SOS1: variants seen among roughly 807,000 people sequenced by gnomAD.
The protein encoded by SOS1 is SOS Ras/Rac guanine nucleotide exchange factor 1, also known as son of sevenless homolog 1.
A neutral mutation model predicts 157.6 loss-of-function variants in SOS1; 25 were observed. The observed-to-expected ratio is 0.16, with a 90% CI of 0.12 to 0.22. The LOEUF is 0.22. Ranked by LOEUF, SOS1 falls within the 10% of genes least tolerant of loss-of-function variation. The pLI is 1.00. For missense variants in SOS1, 1,237 were observed against 1,599.1 expected, an observed-to-expected ratio of 0.77 and a Z score of 3.86; for synonymous variants, 528 against 534.0, an observed-to-expected ratio of 0.99 and a Z score of 0.16.
At chr2:39,071,909 C>CTT (rs140850029) in intron 1 of SOS1, among the ~76,000 whole-genome samples, 1 of 131,350 alleles carries the variant, frequency 7.6e-6, no homozygotes, top group African/African-American at 2.7e-5. Context: ...GCCTATTTGG[C>CTT]TTTTTTTTTT....
chr2:39,104,332 G>A (rs546752886), intron 1 of SOS1, among the ~76,000 whole-genome samples: 2 of 152,148 alleles, frequency 1.3e-5, no homozygotes, highest in South Asian at 2.1e-4. Context: ...AATTTGAATA[G>A]ACATTTCTAT....
chr2:39,056,913 T>A (rs1334374711), intron 3 of SOS1, 47 bp from the exon 4 acceptor site: 4 of 1,253,260 alleles, frequency 3.2e-6, no homozygotes, highest in Non-Finnish European at 4.7e-6. Flanking sequence ...ATACTGTACA[T>A]TTAACACACT....
chr2:39,039,279 C>T (rs1670471596), intron 6 of SOS1, among the ~76,000 whole-genome samples: 1 of 152,156 alleles, frequency 6.6e-6, no homozygotes, highest in Non-Finnish European at 1.5e-5. Context: ...ACCTAAGCCA[C>T]GATATCTCTG....
At chr2:39,101,041 TAA>T (rs921993507) in intron 1 of SOS1, among the ~76,000 whole-genome samples, 1 of 152,202 alleles carries the variant, frequency 6.6e-6, no homozygotes, top group Non-Finnish European at 1.5e-5. Flanking sequence ...ATTTATAAAG[TAA>T]AGAGTTTTAC....
chr2:39,006,660 A>T (rs1669291702), intron 16 of SOS1, 131 bp from the exon 17 acceptor site: 3 of 696,636 alleles, frequency 4.3e-6, no homozygotes, highest in East Asian at 4.9e-5. Context: ...ATTGCTTCAA[A>T]TATTGCTTCA....
intron 1 of SOS1, among the ~76,000 whole-genome samples, chr2:39,086,936 C>T (rs1441361731): frequency 2.0e-5 from 3 of 152,116 alleles, no homozygotes; most frequent in Admixed American, 6.5e-5. Context: ...CCTCAGCCTC[C>T]CAAGTAGCTG....
rs147325522 is a variant in SOS1, at chr2:39,118,395, T to C, written c.87+1941A>G. 2.0e-4 allele frequency among the ~76,000 whole-genome samples: 31 copies of C among 152,380 alleles called. No individual in the cohort carries two copies. In the East Asian group the frequency reaches 2.7e-3, roughly 13 times the overall value. ...CGTAGGTTTTGAGCTACCAACAGCA[T>C]ATCCAGATATGAAACATACTGTATT... On this transcript the variant is annotated intron_variant, in intron 1 of 22. Coordinates refer to ENST00000402219, the MANE Select transcript of SOS1 (RefSeq NM_005633.4).
intron 1 of SOS1, among the ~76,000 whole-genome samples, chr2:39,108,929 T>C (rs543690295): frequency 8.6e-5 from 13 of 151,828 alleles, no homozygotes; most frequent in Admixed American, 5.9e-4. Flanking sequence ...CTGGGTGCAG[T>C]GGCTCACATA....
intron 8 of SOS1, among the ~76,000 whole-genome samples, chr2:39,026,767 G>A (rs868464132): frequency 7.2e-5 from 11 of 152,194 alleles, no homozygotes; most frequent in African/African-American, 2.4e-4. Context: ...TATATACCAG[G>A]GGTATCCAAT....
intron 6 of SOS1, among the ~76,000 whole-genome samples, chr2:39,043,152 A>G (rs1416709073): frequency 2.0e-5 from 3 of 152,226 alleles, no homozygotes; most frequent in East Asian, 1.9e-4. Flanking sequence ...TTAGGTTAAG[A>G]AAGTTCCCTT....
At chr2:39,089,457 G>C (rs975613670) in intron 1 of SOS1, among the ~76,000 whole-genome samples, 218 of 151,494 alleles carry the variant, frequency 1.4e-3, no homozygotes, top group African/African-American at 5.2e-3. Context: ...GCTTGAGCCT[G>C]GGAGGTGGAG....
chr2:39,022,655 G>T lies in SOS1; in HGVS notation c.1773C>A (p.Asn591Lys). The T allele has an allele frequency of 6.2e-7, 1 of 1,613,028 alleles. No homozygotes were observed. The highest frequency in any genetic ancestry group is 8.5e-7 in the Non-Finnish European group (1 of 1,179,116). Residue 591 changes from asparagine (N) to lysine (K), a missense_variant, in exon 10 of 23, where the codon AAC becomes AAA. Physicochemically the swap from Asn to Lys is moderately conservative, Grantham distance 94. Transcript: ENST00000402219. ...TTGGAATTCCAGCCTTGGGCTGCAT[G>T]TTCTCTTCAAATATAATATTCTCTT... ...DSEENIIFEE[N>K]MQPKAGIPII...
At chr2:39,072,897 C>A (rs1487519202) in intron 1 of SOS1, among the ~76,000 whole-genome samples, 1 of 152,108 alleles carries the variant, frequency 6.6e-6, no homozygotes, top group Non-Finnish European at 1.5e-5. Context: ...AAAACTCTAA[C>A]TGAAAAACAA....
At chr2:39,081,064 CCAGCTACTCAGGAAG>C (rs911714771) in intron 1 of SOS1, among the ~76,000 whole-genome samples, 2 of 151,742 alleles carry the variant, frequency 1.3e-5, no homozygotes, top group African/African-American at 4.8e-5. Context: ...TTGGGTGGTC[CCAGCTACTCAGGAAG>C]CTGACCCCAG....
At chr2:39,122,744 C>A (rs1046758401), upstream of SOS1, among the ~76,000 whole-genome samples, 18 of 152,092 alleles carry the variant, frequency 1.2e-4, no homozygotes, top group African/African-American at 4.1e-4. Flanking sequence ...TGGGGTTTCA[C>A]TGTATTGGCC....
chr2:39,112,148 C>A (rs1192826913), intron 1 of SOS1, among the ~76,000 whole-genome samples: 1 of 151,942 alleles, frequency 6.6e-6, no homozygotes, highest in African/African-American at 2.4e-5. Context: ...TATACCCTTA[C>A]TTCCTCTCTA....
At chr2:39,066,197 T>G (rs747095465) in intron 2 of SOS1, among the ~76,000 whole-genome samples, 1 of 152,186 alleles carries the variant, frequency 6.6e-6, no homozygotes, top group Non-Finnish European at 1.5e-5. Context: ...ACTTTCTATG[T>G]GTGTTGTGTC....
At chr2:39,041,151 T>C (rs1670555384) in intron 6 of SOS1, among the ~76,000 whole-genome samples, 1 of 152,070 alleles carries the variant, frequency 6.6e-6, no homozygotes, top group Admixed American at 6.6e-5. Flanking sequence ...CTCAACCTCC[T>C]GGGCTCAAGC....
chr2:39,024,172 T>A, intron 8 of SOS1, 35 bp from the exon 9 acceptor site: 1 of 1,566,210 alleles, frequency 6.4e-7, no homozygotes, highest in Non-Finnish European at 8.8e-7. Context: ...GAACCAGTAG[T>A]ACATTTTTGG....
Sources: allele counts gnomAD v4.1 joint callset (sites outside exome capture counted in the v4.1 genomes callset), GRCh38; gene constraint gnomAD v4.1.1; transcripts MANE v1.5; gene names NCBI Gene and HGNC (gene_info 2026-07-23, HGNC 2026-07-21).